RIMS1: variants seen among roughly 807,000 people sequenced by gnomAD.
RIMS1 encodes the protein regulating synaptic membrane exocytosis 1.
RIMS1 carries 83 observed loss-of-function variants against 214.1 expected under a neutral mutation model. That is an observed-to-expected ratio of 0.39 (90% CI 0.32 to 0.47). The LOEUF (loss-of-function observed/expected upper bound fraction) is 0.47, where lower values mean the gene tolerates loss of function less well. Among genes scored for constraint, RIMS1 ranks in the 20% least tolerant of loss-of-function variants. RIMS1 has a pLI of 0.99. For synonymous variants in RIMS1, 793 were observed against 786.8 expected, an observed-to-expected ratio of 1.01 and a Z score of -0.13; for missense variants, 2,050 against 2,161.8, an observed-to-expected ratio of 0.95 and a Z score of 1.03.
chr6:72,092,057 A>G lies in RIMS1; in HGVS notation c.246-4892A>G, dbSNP rs539638184. On this transcript the variant is annotated intron_variant, in intron 2 of 33. Coordinates refer to ENST00000521978, the MANE Select transcript of RIMS1 (RefSeq NM_014989.7). ...TAAATGTGCTGTTTATGGTTTCACT[A>G]CCAGTATCTTGCTTCCAAAGGCACA... 3.3e-5 allele frequency among the ~76,000 whole-genome samples: 5 copies of G among 152,332 alleles called. No homozygotes were observed. In the South Asian group the frequency reaches 1.0e-3, roughly 32 times the overall value.
At chr6:72,269,341 C>T (rs980303202) in intron 22 of RIMS1, among the ~76,000 whole-genome samples, 1 of 152,150 alleles carries the variant, frequency 6.6e-6, no homozygotes, top group Non-Finnish European at 1.5e-5. Context: ...TCTTACTCCG[C>T]TGTCCTATAA....
At chr6:71,954,893 A>C (rs962348221) in intron 1 of RIMS1, among the ~76,000 whole-genome samples, 12 of 150,730 alleles carry the variant, frequency 8.0e-5, no homozygotes, top group African/African-American at 2.7e-4. Context: ...ACACACACAC[A>C]CCTAGAGGTG....
chr6:71,955,406 ATCCTCCCATCTCAGCC>A (rs1326180523), intron 1 of RIMS1, among the ~76,000 whole-genome samples: 1 of 152,104 alleles, frequency 6.6e-6, no homozygotes, highest in East Asian at 1.9e-4. Flanking sequence ...ACCTCAGGTG[ATCCTCCCATCTCAGCC>A]TCCCAAACTG....
chr6:72,303,612 A>G (rs980522813), intron 26 of RIMS1, among the ~76,000 whole-genome samples: 5 of 151,562 alleles, frequency 3.3e-5, no homozygotes, highest in African/African-American at 1.2e-4. Flanking sequence ...TTAACTCTTA[A>G]AAATAAGTTC....
At position 72,060,216 on chromosome 6, in the gene RIMS1, G is replaced by A. The variant is rs74591683; in HGVS notation, c.246-36733G>A. Among the ~76,000 whole-genome samples the A allele has an allele frequency of 0.011, 1,699 of 152,010 alleles. 178 individuals are homozygous for A. The East Asian group carries it at 0.24, about 22-fold the overall frequency. ...ACTCCCGACCTCAGGTGATCCACCC[G>A]TCTCAGACTCCCAAAGTGCTGGGAT... On this transcript the variant is annotated intron_variant, in intron 2 of 33. Coordinates refer to ENST00000521978, the MANE Select transcript of RIMS1 (RefSeq NM_014989.7).
At chr6:72,256,938 GT>G (rs936997001) in intron 16 of RIMS1, among the ~76,000 whole-genome samples, 1 of 151,680 alleles carries the variant, frequency 6.6e-6, no homozygotes, top group African/African-American at 2.4e-5. Flanking sequence ...GTGACAAAAT[GT>G]TTGTATTTCT....
intron 4 of RIMS1, among the ~76,000 whole-genome samples, chr6:72,160,712 C>T (rs1158404912): frequency 2.1e-5 from 3 of 140,922 alleles, no homozygotes; most frequent in African/African-American, 7.4e-5. Context: ...TTGAACCAGC[C>T]TTGCATCCCA....
At position 72,099,962 on chromosome 6, in the gene RIMS1, T is replaced by C. The variant is rs1468236201; in HGVS notation, c.460-13T>C. The C allele has an allele frequency of 6.2e-7, 1 of 1,603,480 alleles. No homozygotes were observed. Among genetic ancestry groups the C allele is most frequent in the East Asian group, 2.2e-5 (1 of 44,672 alleles). On this transcript the variant is annotated splice_polypyrimidine_tract_variant and intron_variant, in intron 3 of 33. Transcript: ENST00000521978. ...TCTTTCTCTACTCTGCTTCCTTGGA[T>C]GCTTTCCCAAAGGAGGACAAAGTGG...
intron 29 of RIMS1, among the ~76,000 whole-genome samples, chr6:72,335,463 C>T (rs566712680): frequency 2.6e-5 from 4 of 151,954 alleles, no homozygotes; most frequent in African/African-American, 9.6e-5. Context: ...TTTTCTTTAC[C>T]TAGTCTCATT....
chr6:72,177,413 G>A (rs896225920), intron 4 of RIMS1, among the ~76,000 whole-genome samples: 6 of 151,912 alleles, frequency 3.9e-5, no homozygotes, highest in Non-Finnish European at 8.8e-5. Flanking sequence ...CACCATGCCC[G>A]GCTAAGTTTT....
intron 1 of RIMS1, among the ~76,000 whole-genome samples, chr6:71,924,807 CAAAAA>C (rs10652071): frequency 1.6e-5 from 1 of 62,078 alleles, no homozygotes; most frequent in Non-Finnish European, 2.9e-5. Context: ...ACCCTGTCTC[CAAAAA>C]AAAAAAAAAA....
intron 2 of RIMS1, among the ~76,000 whole-genome samples, chr6:71,984,793 C>G (rs1291180710): frequency 2.9e-4 from 44 of 151,758 alleles, no homozygotes; most frequent in African/African-American, 1.0e-3. Context: ...ATCTATCTAT[C>G]TATCTATCTA....
intron 29 of RIMS1, among the ~76,000 whole-genome samples, chr6:72,386,029 C>T (rs1188057917): frequency 2.0e-5 from 3 of 152,090 alleles, no homozygotes; most frequent in Non-Finnish European, 2.9e-5. Context: ...TTCAAATTCA[C>T]AAAATCAAGT....
intron 22 of RIMS1, among the ~76,000 whole-genome samples, chr6:72,271,284 A>T (rs1267026108): frequency 0.064 from 1,427 of 22,448 alleles, 4 homozygotes; most frequent in Non-Finnish European, 0.098. Context: ...AAAAAAAAAA[A>T]AAATATATAT....
At chr6:72,303,026 CCAAA>C (rs1363746070) in intron 26 of RIMS1, among the ~76,000 whole-genome samples, 4 of 150,350 alleles carry the variant, frequency 2.7e-5, no homozygotes, top group Non-Finnish European at 5.9e-5. Flanking sequence ...ATTTTGAGAT[CCAAA>C]CAAATTTATT....
chr6:72,171,524 T>C (rs2047034459), intron 4 of RIMS1, among the ~76,000 whole-genome samples: 1 of 152,156 alleles, frequency 6.6e-6, no homozygotes, highest in South Asian at 2.1e-4. Context: ...CTTACTATAT[T>C]TCAGGCACTA....
At chr6:72,383,810 T>TAGCAAGA (rs761717691) in intron 29 of RIMS1, among the ~76,000 whole-genome samples, 2 of 151,674 alleles carry the variant, frequency 1.3e-5, no homozygotes, top group Non-Finnish European at 2.9e-5. Context: ...TACTGAGACC[T>TAGCAAGA]AGCAAGACCC....
intron 4 of RIMS1, among the ~76,000 whole-genome samples, chr6:72,161,451 G>T (rs2045392957): frequency 7.2e-6 from 1 of 139,798 alleles, no homozygotes; most frequent in East Asian, 2.0e-4. Flanking sequence ...GTTTGCTCTT[G>T]CTTCTCTAGT....
intron 23 of RIMS1, among the ~76,000 whole-genome samples, chr6:72,276,954 T>C (rs1331854280): frequency 6.6e-6 from 1 of 152,226 alleles, no homozygotes; most frequent in Non-Finnish European, 1.5e-5. Context: ...GTGACTTTTA[T>C]TGTTGGACAC....
Sources: gnomAD v4.1 joint callset for allele counts (sites outside exome capture counted in the v4.1 genomes callset) on GRCh38, gnomAD v4.1.1 for gene constraint, MANE v1.5 for transcripts, NCBI Gene and HGNC (gene_info 2026-07-23, HGNC 2026-07-21) for gene names.